Variants in MEIS1 observed in about 807,000 individuals in gnomAD.
MEIS1 encodes Meis homeobox 1.
A neutral mutation model predicts 50.8 loss-of-function variants in MEIS1; 5 were observed. That is an observed-to-expected ratio of 0.10 (90% CI 0.05 to 0.21). The LOEUF (loss-of-function observed/expected upper bound fraction) is 0.21. Ranked by LOEUF, MEIS1 falls within the 10% of genes least tolerant of loss-of-function variation. The probability of loss-of-function intolerance (pLI) is 1.00; values close to 1 mark genes in which losing one functional copy is unlikely to be tolerated. For missense variants in MEIS1, 318 were observed against 517.3 expected (o/e 0.61, Z 3.74); for synonymous variants, 176 against 179.3 (o/e 0.98, Z 0.15).
intron 9 of MEIS1, among the ~76,000 whole-genome samples, chr2:66,553,562 G>A (rs75226702): frequency 0.011 from 1,701 of 152,310 alleles, 13 homozygotes; most frequent in Non-Finnish European, 0.019. Context: ...CTGGCGGGGC[G>A]CCAGACAGGC....
intron 8 of MEIS1, among the ~76,000 whole-genome samples, chr2:66,530,687 G>A (rs1213703750): frequency 6.7e-6 from 1 of 149,998 alleles, no homozygotes; most frequent in Non-Finnish European, 1.5e-5. Context: ...CTGCACTCCA[G>A]CCTGGGTGAC....
At chr2:66,477,200 T>A (rs1303117460) in intron 7 of MEIS1, among the ~76,000 whole-genome samples, 1 of 152,156 alleles carries the variant, frequency 6.6e-6, no homozygotes, top group African/African-American at 2.4e-5. Context: ...GTCAGCATGA[T>A]AGTTATTCAG....
At chr2:66,503,478 T>G (rs4387782) in intron 7 of MEIS1, among the ~76,000 whole-genome samples, 22,144 of 152,218 alleles carry the variant, frequency 0.15, 1,789 homozygotes, top group South Asian at 0.3. Flanking sequence ...TGAAGTCTTC[T>G]TGTTTCACAC....
chr2:66,569,125 C>G lies in MEIS1; in HGVS notation c.*17C>G. On this transcript the variant is annotated 3_prime_UTR_variant, in exon 12 of 13. Coordinates refer to ENST00000272369, the MANE Select transcript of MEIS1 (RefSeq NM_002398.3). ...TACATGTAACCTTCATCTAGTTAAC[C>G]AATCGCAAAGCAAGGGGGAAGTAAG... is the stretch of plus-strand genomic sequence containing the variant. 3 of 1,612,016 alleles carry G rather than the reference C, an allele frequency of 1.9e-6. No individual in the cohort carries two copies. Among genetic ancestry groups the G allele is most frequent in the Non-Finnish European group, 2.5e-6 (3 of 1,179,268 alleles).
intron 8 of MEIS1, among the ~76,000 whole-genome samples, chr2:66,534,733 C>T (rs1033836385): frequency 6.6e-6 from 1 of 151,990 alleles, no homozygotes; most frequent in Admixed American, 6.6e-5. Flanking sequence ...AATTAGCAAC[C>T]TTAAGTCACA....
chr2:66,537,982 GA>G (rs1674561265), intron 8 of MEIS1, among the ~76,000 whole-genome samples: 1 of 152,182 alleles, frequency 6.6e-6, no homozygotes, highest in African/African-American at 2.4e-5. Flanking sequence ...ATGTTCAAGT[GA>G]AATTCTTGGG....
chr2:66,532,082 G>C (rs1232937843), intron 8 of MEIS1, among the ~76,000 whole-genome samples: 1 of 152,122 alleles, frequency 6.6e-6, no homozygotes, highest in Non-Finnish European at 1.5e-5. Context: ...TTCTGAGGTG[G>C]AGTGTCTTCT....
chr2:66,558,758 G>C (rs1326594389), intron 9 of MEIS1, among the ~76,000 whole-genome samples: 1 of 152,172 alleles, frequency 6.6e-6, no homozygotes, highest in African/African-American at 2.4e-5. Context: ...TATGGTTGCT[G>C]AAGACTTGGA....
rs892897575 is a variant in MEIS1, at chr2:66,500,934, A to G, written c.743-11215A>G. On this transcript the variant is annotated intron_variant, in intron 7 of 12. Coordinates refer to ENST00000272369, the MANE Select transcript of MEIS1 (RefSeq NM_002398.3). ...GCAAGCTTTTGCAGATATCACAAAA[A>G]TAAATGTTGTCTTTGTGTGTTTGTG... is the stretch of plus-strand genomic sequence containing the variant. Among the ~76,000 whole-genome samples, 3 of 152,288 alleles carry G rather than the reference A, an allele frequency of 2.0e-5. No individual in the cohort carries two copies. In the East Asian group the frequency reaches 5.8e-4, roughly 29 times the overall value.
intron 9 of MEIS1, among the ~76,000 whole-genome samples, chr2:66,557,608 C>T (rs562027863): frequency 6.6e-6 from 1 of 152,320 alleles, no homozygotes; most frequent in East Asian, 1.9e-4. Flanking sequence ...CATGTATTAT[C>T]AGCACTTCAT....
At chr2:66,440,068 A>AAC (rs9309387) in intron 3 of MEIS1, 84 bp downstream of exon 3, 14,076 of 777,256 alleles carry the variant, frequency 0.018, 182 homozygotes, top group African/African-American at 0.087. Context: ...CGCGCGCGCG[A>AAC]ACACACACAC....
chr2:66,471,468 G>A (rs1672759031), intron 7 of MEIS1, among the ~76,000 whole-genome samples: 1 of 152,208 alleles, frequency 6.6e-6, no homozygotes, highest in African/African-American at 2.4e-5. Context: ...TTTGTTGCAA[G>A]TGATGGATTA....
chr2:66,568,580 TG>T, intron 10 of MEIS1, 86 bp from the exon 11 acceptor site: 1 of 999,512 alleles, frequency 1.0e-6, no homozygotes, highest in Non-Finnish European at 1.6e-6. Flanking sequence ...TCTCTTTCTC[TG>T]GTATGTTCTC....
chr2:66,555,067 C>G (rs78471939), intron 9 of MEIS1, among the ~76,000 whole-genome samples: 1,698 of 152,256 alleles, frequency 0.011, 32 homozygotes, highest in African/African-American at 0.039. Context: ...GGCATTCAAT[C>G]TTTTTCTCCA....
At chr2:66,459,582 G>T (rs900035469) in intron 6 of MEIS1, among the ~76,000 whole-genome samples, 3 of 152,124 alleles carry the variant, frequency 2.0e-5, no homozygotes, top group Admixed American at 2.0e-4. Context: ...AGTGATGAGG[G>T]CCTTAACAAG....
At chr2:66,462,377 C>T (rs544623382) in intron 6 of MEIS1, among the ~76,000 whole-genome samples, 3 of 152,320 alleles carry the variant, frequency 2.0e-5, no homozygotes, top group African/African-American at 2.4e-5. Flanking sequence ...GAAACTCCCA[C>T]GGGTTCCTGC....
At chr2:66,496,540 C>T (rs144570093) in intron 7 of MEIS1, among the ~76,000 whole-genome samples, 214 of 152,272 alleles carry the variant, frequency 1.4e-3, no homozygotes, top group Admixed American at 3.7e-3. Context: ...AGATTCCTGA[C>T]GTGGAGCGAT....
chr2:66,437,900 T>C lies in MEIS1; in HGVS notation c.176T>C (p.Met59Thr), dbSNP rs985991019. 2 of 1,608,918 alleles carry C rather than the reference T, an allele frequency of 1.2e-6. No individual in the cohort carries two copies. Among genetic ancestry groups the C allele is most frequent in the Non-Finnish European group, 1.7e-6 (2 of 1,177,582 alleles). Residue 59 changes from methionine (M) to threonine (T), a missense_variant, in exon 2 of 13, where the codon ATG (methionine) becomes ACG (threonine). Met to Thr is a moderately conservative substitution (Grantham distance 81). This residue lies in a region of MEIS1 where 100 missense variants were observed against 107.1 expected (regional missense o/e 0.93). Coordinates refer to ENST00000272369, the MANE Select transcript of MEIS1 (RefSeq NM_002398.3). ...QYPHTAHTNAMAPSMGSSVND... is the reference protein window; with the variant it reads ...QYPHTAHTNATAPSMGSSVND... ...CCGCACACAGCTCATACCAACGCCA[T>C]GGCCCCCAGCATGGGCTCCTCTGTC...
intron 2 of MEIS1, chr2:66,439,603 C>T: frequency 6.5e-7 from 1 of 1,536,594 alleles, no homozygotes; most frequent in Non-Finnish European, 8.7e-7. Context: ...GCCAGATACG[C>T]TAAACCGATC....
Sources: allele counts gnomAD v4.1 joint callset (sites outside exome capture counted in the v4.1 genomes callset), GRCh38; gene constraint gnomAD v4.1.1; regional missense constraint gnomAD v4.1.1; transcripts MANE v1.5; gene names NCBI Gene and HGNC (gene_info 2026-07-23, HGNC 2026-07-21).